The following FRMD3 variants were observed in gnomAD, a reference collection of about 807,000 sequenced individuals.
FRMD3 encodes FERM domain containing 3, also known as FERM domain-containing protein 3.
FRMD3 carries 33 observed loss-of-function variants against 70.2 expected under a neutral mutation model. That is an observed-to-expected ratio of 0.47 (90% CI 0.36 to 0.63). The LOEUF is 0.63. Among genes scored for constraint, FRMD3 ranks in the 20% least tolerant of loss-of-function variants. The probability of loss-of-function intolerance (pLI) is 0.00; values close to 1 mark genes in which losing one functional copy is unlikely to be tolerated. For synonymous variants in FRMD3, 279 were observed against 255.9 expected, an observed-to-expected ratio of 1.09 and a Z score of -0.86; for missense variants, 632 against 711.4, an observed-to-expected ratio of 0.89 and a Z score of 1.27.
upstream of FRMD3, among the ~76,000 whole-genome samples, chr9:83,542,912 G>A (rs7026088): frequency 0.022 from 3,360 of 152,140 alleles, 141 homozygotes; most frequent in African/African-American, 0.074. Context: ...AAAAAAATGA[G>A]TATAGACATA....
chr9:83,264,559 G>A (rs1028384243), intron 13 of FRMD3, among the ~76,000 whole-genome samples: 21 of 152,070 alleles, frequency 1.4e-4, no homozygotes, highest in Admixed American at 9.8e-4. Context: ...ATGTGTGAGG[G>A]AAATTCCCCA....
intron 1 of FRMD3, among the ~76,000 whole-genome samples, chr9:83,498,802 C>T (rs1467307464): frequency 6.6e-6 from 1 of 152,030 alleles, no homozygotes; most frequent in East Asian, 1.9e-4. Context: ...CAAAACAGCT[C>T]TTAGACAAGA....
the FRMD3 span, among the ~76,000 whole-genome samples, chr9:83,562,887 C>G: frequency 6.7e-6 from 1 of 149,146 alleles, no homozygotes; most frequent in South Asian, 2.1e-4. Flanking sequence ...GTTGTATGGC[C>G]AATGCCCCCC....
downstream of FRMD3, among the ~76,000 whole-genome samples, chr9:83,244,278 A>G (rs1831981255): frequency 6.6e-6 from 1 of 152,150 alleles, no homozygotes; most frequent in African/African-American, 2.4e-5. Flanking sequence ...ATGATAACAT[A>G]TTAATTTCTA....
intron 12 of FRMD3, among the ~76,000 whole-genome samples, chr9:83,298,074 T>C (rs1834750189): frequency 6.6e-6 from 1 of 151,946 alleles, no homozygotes; most frequent in Admixed American, 6.5e-5. Context: ...TGCAAACCAG[T>C]GTAGGGGGAC....
intron 1 of FRMD3, among the ~76,000 whole-genome samples, chr9:83,463,462 T>A (rs1828032926): frequency 6.6e-6 from 1 of 151,556 alleles, no homozygotes; most frequent in Non-Finnish European, 1.5e-5. Context: ...AAAGAATGAG[T>A]AAAAGGGTGG....
chr9:83,508,043 C>T (rs867479605), intron 1 of FRMD3, among the ~76,000 whole-genome samples: 2 of 151,998 alleles, frequency 1.3e-5, no homozygotes, highest in Non-Finnish European at 2.9e-5. Context: ...TGCCTGACTG[C>T]ATTTATAGAA....
At chr9:83,447,757 G>C (rs1003303856) in intron 1 of FRMD3, among the ~76,000 whole-genome samples, 2 of 152,158 alleles carry the variant, frequency 1.3e-5, no homozygotes, top group African/African-American at 2.4e-5. Flanking sequence ...CAGGGTAGGA[G>C]CTCCTGAACT....
chr9:83,470,937 G>A lies in FRMD3; in HGVS notation c.147+67148C>T, dbSNP rs1828253565. On this transcript the variant is annotated intron_variant, in intron 1 of 13. Transcript: ENST00000304195. ...GGAGCATTTTCCCCCATCTGTTTTA[G>A]TTTCTAAATCTTTAAAACTAATTAA... Among the ~76,000 whole-genome samples the A allele has an allele frequency of 2.0e-5, 3 of 152,284 alleles. No individual in the cohort carries two copies. In the South Asian group the frequency reaches 6.2e-4, roughly 32 times the overall value.
chr9:83,520,103 T>C (rs577247794), intron 1 of FRMD3, among the ~76,000 whole-genome samples: 23 of 152,178 alleles, frequency 1.5e-4, no homozygotes, highest in South Asian at 8.3e-4. Context: ...GTAACAAACC[T>C]GCACGTTCTG....
intron 6 of FRMD3, among the ~76,000 whole-genome samples, chr9:83,317,078 G>A (rs1343656558): frequency 1.3e-5 from 2 of 151,796 alleles, no homozygotes; most frequent in African/African-American, 4.8e-5. Flanking sequence ...TGTGCACTAT[G>A]ATCGTGCCAC....
intron 13 of FRMD3, among the ~76,000 whole-genome samples, chr9:83,264,503 A>C (rs1420656156): frequency 6.6e-6 from 1 of 152,198 alleles, no homozygotes; most frequent in African/African-American, 2.4e-5. Context: ...AAGTGTAACA[A>C]ATGTACTTCT....
chr9:83,370,218 T>G (rs1824926295), intron 3 of FRMD3, among the ~76,000 whole-genome samples: 1 of 152,198 alleles, frequency 6.6e-6, no homozygotes, highest in Non-Finnish European at 1.5e-5. Context: ...GATAAATTCA[T>G]GGACAAGTCC....
chr9:83,528,248 A>G (rs1587527365), intron 1 of FRMD3, among the ~76,000 whole-genome samples: 2 of 152,168 alleles, frequency 1.3e-5, no homozygotes, highest in African/African-American at 4.8e-5. Context: ...TTATTACACT[A>G]GAGCCTAGCC....
chr9:83,263,756 A>C (rs994455658), intron 13 of FRMD3, among the ~76,000 whole-genome samples: 1 of 152,236 alleles, frequency 6.6e-6, no homozygotes, highest in Non-Finnish European at 1.5e-5. Flanking sequence ...CAGGTGGTTT[A>C]CTGCATACAG....
chr9:83,583,228 CAAAA>C, the FRMD3 span, among the ~76,000 whole-genome samples: 1 of 152,004 alleles, frequency 6.6e-6, no homozygotes, highest in Non-Finnish European at 1.5e-5. Flanking sequence ...TAAGTTGCTT[CAAAA>C]AAATAACATG....
At chr9:83,528,586 G>A (rs1358132103) in intron 1 of FRMD3, among the ~76,000 whole-genome samples, 1 of 152,054 alleles carries the variant, frequency 6.6e-6, no homozygotes, top group Admixed American at 6.6e-5. Flanking sequence ...CTGGAGTGCA[G>A]TGGCACAGTC....
chr9:83,545,239 T>A, the FRMD3 span, among the ~76,000 whole-genome samples: 1 of 152,028 alleles, frequency 6.6e-6, no homozygotes, highest in African/African-American at 2.4e-5. Context: ...CAAAATACAG[T>A]TGAAAGCTTT....
At chr9:83,489,482 A>C (rs1280674103) in intron 1 of FRMD3, among the ~76,000 whole-genome samples, 3 of 152,314 alleles carry the variant, frequency 2.0e-5, no homozygotes, top group Non-Finnish European at 2.9e-5. Flanking sequence ...ACAACATAGA[A>C]GCAACCGACA....
Sources: allele counts gnomAD v4.1 joint callset (sites outside exome capture counted in the v4.1 genomes callset), GRCh38; gene constraint gnomAD v4.1.1; transcripts MANE v1.5; gene names NCBI Gene and HGNC (gene_info 2026-07-23, HGNC 2026-07-21).